UNC5C: variants seen among roughly 807,000 people sequenced by gnomAD.
UNC5C encodes the protein netrin receptor UNC5C.
In UNC5C, 47 loss-of-function variants were observed where a neutral mutation model predicts 99.8. The observed-to-expected ratio is 0.47, with a 90% CI of 0.37 to 0.60. The LOEUF is 0.60. UNC5C is among the 20% of genes least tolerant of loss of function. The pLI, the probability that UNC5C is intolerant of heterozygous loss-of-function variation, is 0.00. For synonymous variants in UNC5C, 487 were observed against 452.2 expected (o/e 1.08, Z -0.98); for missense variants, 1,062 against 1,165.9 (o/e 0.91, Z 1.30).
intron 1 of UNC5C, among the ~76,000 whole-genome samples, chr4:95,361,404 AC>A (rs1744388689): frequency 6.6e-6 from 1 of 152,184 alleles, no homozygotes; most frequent in African/African-American, 2.4e-5. Flanking sequence ...TCCTTTTCAT[AC>A]CTTCAAGATG....
chr4:95,521,518 T>C (rs2149490436), intron 1 of UNC5C, among the ~76,000 whole-genome samples: 1 of 152,146 alleles, frequency 6.6e-6, no homozygotes, highest in Admixed American at 6.5e-5. Context: ...ACGCCTGGCC[T>C]CTTCTTCTTT....
chr4:95,457,646 A>G (rs1423402730), intron 1 of UNC5C, among the ~76,000 whole-genome samples: 1 of 152,102 alleles, frequency 6.6e-6, no homozygotes, highest in East Asian at 1.9e-4. Flanking sequence ...TTAACTATTT[A>G]ATTCTGAATC....
At chr4:95,346,526 A>G (rs77619131) in intron 1 of UNC5C, among the ~76,000 whole-genome samples, 5,877 of 152,086 alleles carry the variant, frequency 0.039, 180 homozygotes, top group Non-Finnish European at 0.058. Context: ...TGGCACAAAA[A>G]TCATCAACAA....
chr4:95,284,425 G>A (rs988705605), intron 3 of UNC5C, among the ~76,000 whole-genome samples: 3 of 152,062 alleles, frequency 2.0e-5, no homozygotes, highest in Non-Finnish European at 4.4e-5. Flanking sequence ...GTACTTCTTG[G>A]TTGCCATTAT....
intron 12 of UNC5C, among the ~76,000 whole-genome samples, chr4:95,198,238 C>A (rs570527505): frequency 6.6e-6 from 1 of 151,984 alleles, no homozygotes; most frequent in Non-Finnish European, 1.5e-5. Context: ...ATCCACCCGC[C>A]TTGGCCTCCC....
At chr4:95,170,785 T>A (rs1736066726) in intron 14 of UNC5C, among the ~76,000 whole-genome samples, 1 of 152,230 alleles carries the variant, frequency 6.6e-6, no homozygotes, top group Admixed American at 6.5e-5. Context: ...GAGGAGAAAG[T>A]CCTGGGCAAA....
At chr4:95,298,967 A>G (rs1427625837) in intron 3 of UNC5C, among the ~76,000 whole-genome samples, 2 of 152,216 alleles carry the variant, frequency 1.3e-5, no homozygotes, top group Non-Finnish European at 2.9e-5. Flanking sequence ...TGTGATTACA[A>G]TGTAGAAATC....
intron 1 of UNC5C, among the ~76,000 whole-genome samples, chr4:95,439,552 C>A (rs1746889773): frequency 3.3e-5 from 5 of 151,946 alleles, no homozygotes; most frequent in African/African-American, 1.2e-4. Flanking sequence ...TTGAAGGAAA[C>A]CTTCCAAAAA....
At chr4:95,169,524 C>T in intron 15 of UNC5C, 125 bp from the exon 16 acceptor site, 2 of 1,079,756 alleles carry the variant, frequency 1.9e-6, no homozygotes, top group Non-Finnish European at 2.6e-6. Context: ...TGACAGTGAG[C>T]CATCCTAAAT....
In UNC5C at chr4:95,356,224, A is replaced by AAAAAAAC. The variant is rs1560801873; in HGVS notation, c.125-20594_125-20593insGTTTTTT. 3.7e-4 allele frequency among the ~76,000 whole-genome samples: 47 copies of AAAAAAAC among 127,542 alleles called. 1 individual carries two copies. Among genetic ancestry groups the AAAAAAAC allele is most frequent in the African/African-American group, 7.4e-4 (23 of 30,982 alleles). 83.7% of individuals were successfully genotyped at this position (127,542 alleles called of 152,430 possible). A position where few individuals can be genotyped will look rare whatever the true frequency, so the allele number is the denominator to read the frequency against. On this transcript the variant is annotated intron_variant, in intron 1 of 15. Coordinates refer to ENST00000453304, the MANE Select transcript of UNC5C (RefSeq NM_003728.4). ...AAAAAAAAAAAAAACAAAACAAAAA[A>AAAAAAAC]AAAACAGATTCCTCGTTCTTCCTCA...
chr4:95,199,526 T>C (rs1737568515), intron 12 of UNC5C, among the ~76,000 whole-genome samples: 1 of 152,210 alleles, frequency 6.6e-6, no homozygotes, highest in African/African-American at 2.4e-5. Flanking sequence ...TACAAACTGC[T>C]CTTGAGTTGT....
chr4:95,463,424 G>C (rs558624401), intron 1 of UNC5C, among the ~76,000 whole-genome samples: 1 of 152,058 alleles, frequency 6.6e-6, no homozygotes, highest in African/African-American at 2.4e-5. Context: ...AACACTGAAC[G>C]AAGCACAAGC....
At chr4:95,188,090 T>G (rs553308604) in intron 12 of UNC5C, among the ~76,000 whole-genome samples, 2 of 152,344 alleles carry the variant, frequency 1.3e-5, no homozygotes, top group African/African-American at 4.8e-5. Context: ...TTAATCTGTC[T>G]TAGCATAAAG....
chr4:95,490,503 G>A (rs1339335663), intron 1 of UNC5C, among the ~76,000 whole-genome samples: 1 of 151,628 alleles, frequency 6.6e-6, no homozygotes, highest in Admixed American at 6.6e-5. Flanking sequence ...ATATATCTAT[G>A]AAATAAGGCA....
chr4:95,179,968 T>C (rs1031211003), intron 14 of UNC5C, among the ~76,000 whole-genome samples: 5 of 151,136 alleles, frequency 3.3e-5, no homozygotes, highest in African/African-American at 9.7e-5. Context: ...TTTTGATTGA[T>C]GATAGAAAGA....
intron 1 of UNC5C, among the ~76,000 whole-genome samples, chr4:95,471,492 A>T (rs555716927): frequency 2.1e-4 from 32 of 152,242 alleles, no homozygotes; most frequent in African/African-American, 4.3e-4. Flanking sequence ...ACAAGAAAGC[A>T]TTCCTGGGAA....
chr4:95,534,148 G>A (rs145867363), intron 1 of UNC5C, among the ~76,000 whole-genome samples: 89 of 152,322 alleles, frequency 5.8e-4, no homozygotes, highest in Admixed American at 3.6e-3. Flanking sequence ...AAATAAAAGA[G>A]TGTTAACCTG....
intron 1 of UNC5C, among the ~76,000 whole-genome samples, chr4:95,350,444 G>GC (rs982565036): frequency 6.6e-6 from 1 of 151,298 alleles, no homozygotes; most frequent in Non-Finnish European, 1.5e-5. Context: ...CTGAGATCGT[G>GC]CCACTACATT....
At chr4:95,342,129 C>T (rs538123054) in intron 1 of UNC5C, among the ~76,000 whole-genome samples, 5 of 152,180 alleles carry the variant, frequency 3.3e-5, no homozygotes, top group South Asian at 2.1e-4. Context: ...ATGCCAGGCT[C>T]GGAACCACTG....
Sources: gnomAD v4.1 joint callset for allele counts (sites outside exome capture counted in the v4.1 genomes callset) on GRCh38, gnomAD v4.1.1 for gene constraint, MANE v1.5 for transcripts, NCBI Gene and HGNC (gene_info 2026-07-23, HGNC 2026-07-21) for gene names.